ZBTB38: variants seen among roughly 807,000 people sequenced by gnomAD.
ZBTB38 encodes the protein zinc finger and BTB domain containing 38, also known as zinc finger and BTB domain-containing protein 38.
In ZBTB38, 20 loss-of-function variants were observed where a neutral mutation model predicts 76.8. The observed-to-expected ratio is 0.26, with a 90% CI of 0.18 to 0.38. The LOEUF (loss-of-function observed/expected upper bound fraction) is 0.38, where lower values mean the gene tolerates loss of function less well. Among genes scored for constraint, ZBTB38 ranks in the 10% least tolerant of loss-of-function variants. The pLI, the probability that ZBTB38 is intolerant of heterozygous loss-of-function variation, is 1.00. For missense variants in ZBTB38, 1,082 were observed against 1,482.3 expected, an observed-to-expected ratio of 0.73 and a Z score of 4.43; for synonymous variants, 504 against 544.2, an observed-to-expected ratio of 0.93 and a Z score of 1.03.
At chr3:141,394,565 A>G (rs1194723199) in intron 4 of ZBTB38, 1 of 152,066 alleles carries the variant, frequency 6.6e-6, no homozygotes. Flanking sequence ...TTTAGAAATT[A>G]TTTTCCCCAA....
intron 1 of ZBTB38, among the ~76,000 whole-genome samples, chr3:141,344,964 G>T (rs540514907): frequency 6.6e-6 from 1 of 152,312 alleles, no homozygotes; most frequent in African/African-American, 2.4e-5. Flanking sequence ...ATTGCAAGAA[G>T]TCCTGCTGTT....
At chr3:141,382,146 T>C (rs1946287636) in intron 3 of ZBTB38, among the ~76,000 whole-genome samples, 1 of 152,158 alleles carries the variant, frequency 6.6e-6, no homozygotes, top group South Asian at 2.1e-4. Context: ...TCCTAGCTAC[T>C]CAGGAGGCTG....
intron 3 of ZBTB38, among the ~76,000 whole-genome samples, chr3:141,383,269 T>C (rs1490855923): frequency 6.6e-6 from 1 of 152,196 alleles, no homozygotes. Context: ...ATCACCATGT[T>C]GTTTCCAGGA....
Position 141,443,606 on chromosome 3 carries a change from A to G in ZBTB38, c.1218A>G (p.Gln406=), listed in dbSNP as rs2080684583. ...ACATGCCCATTCCTGGAGGAAACCA[A>G]CGCTTTTTAGAAAACTATCCTACCA... The part of the protein sequence containing the change: ...SSHMPIPGGN[Q]RFLENYPTIG... The change falls in exon 6 of 6, where the codon CAA becomes CAG. Residue 406 remains glutamine, a synonymous_variant. Transcript: ENST00000321464. This position sits in a 1 kb window ranked among gnomAD's most constrained non-coding sequence, Gnocchi z 5.6. 1.7e-5 allele frequency: 28 copies of G among 1,614,176 alleles called. No homozygotes were observed. The East Asian group carries it at 4.9e-4, about 28-fold the overall frequency.
Position 141,413,574 on chromosome 3 carries a change from C to G in ZBTB38, c.-1+9543C>G, listed in dbSNP as rs1412404339. Among the ~76,000 whole-genome samples the G allele has an allele frequency of 6.6e-6, 1 of 152,104 alleles. No homozygotes were observed. The highest frequency in any genetic ancestry group is 6.6e-5 in the Admixed American group (1 of 15,262). On this transcript the variant is annotated intron_variant, in intron 5 of 5. Coordinates refer to ENST00000321464, the MANE Select transcript of ZBTB38 (RefSeq NM_001376113.1). This position sits in a 1 kb window ranked among gnomAD's most constrained non-coding sequence, Gnocchi z 4.1. ...ACAGTGATGGAGCATGATGTCAACT[C>G]CCACATACTGTAACCCAGGAAGGAG...
chr3:141,356,762 A>G (rs1162630427), intron 1 of ZBTB38, among the ~76,000 whole-genome samples: 5 of 152,234 alleles, frequency 3.3e-5, no homozygotes, highest in African/African-American at 1.2e-4. Flanking sequence ...GCTTTTAAAG[A>G]TGATTGTTCC....
chr3:141,347,113 CA>C (rs1171517123), intron 1 of ZBTB38, among the ~76,000 whole-genome samples: 1 of 152,204 alleles, frequency 6.6e-6, no homozygotes, highest in African/African-American at 2.4e-5. Flanking sequence ...TCAAACGCCA[CA>C]CAGTTGATGA....
intron 5 of ZBTB38, among the ~76,000 whole-genome samples, chr3:141,417,448 G>A (rs1291684187): frequency 4.6e-5 from 7 of 152,122 alleles, no homozygotes; most frequent in African/African-American, 1.4e-4. Flanking sequence ...CCTGTTAGTA[G>A]CACATCTAAA....
chr3:141,385,231 A>C (rs2149227045), intron 3 of ZBTB38, among the ~76,000 whole-genome samples: 1 of 152,256 alleles, frequency 6.6e-6, no homozygotes, highest in South Asian at 2.1e-4. Context: ...TGCAATAGGC[A>C]ATTAAAGACT....
At position 141,444,891 on chromosome 3, in the gene ZBTB38, C is replaced by A. The variant is rs2080886190; in HGVS notation, c.2503C>A (p.Pro835Thr). Reference sequence around the variant, plus strand: ...AACCTCCACAAATAGTAATGTTGCACCCCTTTGCCAAATAACAGTGAAAAT... The same window carrying A: ...AACCTCCACAAATAGTAATGTTGCAACCCTTTGCCAAATAACAGTGAAAAT... ...PGTSTNSNVAPLCQITVKIGN... is the reference protein window; with the variant it reads ...PGTSTNSNVATLCQITVKIGN... The change falls in exon 6 of 6, where the codon CCC (proline) becomes ACC (threonine). Residue 835 changes from proline to threonine, a missense_variant. This residue lies in a region of ZBTB38 where 471 missense variants were observed against 581.0 expected (regional missense o/e 0.81). Transcript: ENST00000321464. This position sits in a 1 kb window ranked among gnomAD's most constrained non-coding sequence, Gnocchi z 5.1. The A allele has an allele frequency of 1.2e-6, 2 of 1,614,054 alleles. No homozygotes were observed. The highest frequency in any genetic ancestry group is 2.2e-5 in the East Asian group (1 of 44,888).
chr3:141,381,058 G>C (rs906450396), intron 2 of ZBTB38, among the ~76,000 whole-genome samples: 1 of 152,060 alleles, frequency 6.6e-6, no homozygotes, highest in African/African-American at 2.4e-5. Context: ...AATGTGTTTT[G>C]CCAATTCAGA....
At chr3:141,399,493 A>T (rs1951216877) in intron 4 of ZBTB38, among the ~76,000 whole-genome samples, 1 of 152,246 alleles carries the variant, frequency 6.6e-6, no homozygotes, top group Non-Finnish European at 1.5e-5. Context: ...GAGATGAGAA[A>T]AAATGATTTG....
chr3:141,402,960 G>A (rs921162965), intron 4 of ZBTB38: 5 of 152,312 alleles, frequency 3.3e-5, no homozygotes, highest in African/African-American at 1.2e-4. Flanking sequence ...AAAGGGACGT[G>A]CAAAGGCAGG....
At chr3:141,435,845 C>T (rs920220064) in intron 5 of ZBTB38, among the ~76,000 whole-genome samples, 2 of 151,918 alleles carry the variant, frequency 1.3e-5, no homozygotes, top group African/African-American at 4.8e-5. Context: ...CATTAAAGTC[C>T]GATGGCCAGT....
chr3:141,431,472 G>A (rs1260792489), intron 5 of ZBTB38, among the ~76,000 whole-genome samples: 1 of 151,404 alleles, frequency 6.6e-6, no homozygotes, highest in Non-Finnish European at 1.5e-5. Flanking sequence ...TAAGCAAGCA[G>A]GTGCCCAGGC....
intron 5 of ZBTB38, among the ~76,000 whole-genome samples, chr3:141,409,232 G>C (rs1955782127): frequency 6.6e-6 from 1 of 152,114 alleles, no homozygotes. Flanking sequence ...TTTTAGTAGA[G>C]ATGGGGTTTC....
upstream of ZBTB38, among the ~76,000 whole-genome samples, chr3:141,364,739 T>TAG (rs1422810922): frequency 1.1e-5 from 1 of 94,176 alleles, no homozygotes. Context: ...AGGATTTGAA[T>TAG]AGACAGTTCT....
At position 141,445,313 on chromosome 3, in the gene ZBTB38, A is replaced by C. The variant is rs1438254324; in HGVS notation, c.2925A>C (p.Glu975Asp). 1 of 1,614,184 alleles carries C rather than the reference A, an allele frequency of 6.2e-7. No individual in the cohort carries two copies. Among genetic ancestry groups the C allele is most frequent in the Admixed American group, 1.7e-5 (1 of 60,022 alleles). The change falls in exon 6 of 6, where the codon GAA (glutamate) becomes GAC (aspartate). Residue 975 changes from glutamate (E) to aspartate (D), a missense_variant. Physicochemically the swap from Glu to Asp is conservative, Grantham distance 45. Coordinates refer to ENST00000321464, the MANE Select transcript of ZBTB38 (RefSeq NM_001376113.1). The surrounding 1 kb of genome is among the most constrained non-coding windows in gnomAD (Gnocchi z 6.5). ...APQDKPFEEE[E>D]TKEMPKLQCE... ...AGGATAAACCCTTTGAGGAAGAAGAAACTAAAGAGATGCCCAAGCTGCAGT... is the reference window on the plus strand; with the variant it reads ...AGGATAAACCCTTTGAGGAAGAAGACACTAAAGAGATGCCCAAGCTGCAGT...
At chr3:141,432,302 T>C in intron 5 of ZBTB38, 1 of 982,906 alleles carries the variant, frequency 1.0e-6, no homozygotes, top group Non-Finnish European at 1.2e-6. Flanking sequence ...TACGTTTCTT[T>C]TTATAGAAGA....
Sources: allele counts gnomAD v4.1 joint callset (sites outside exome capture counted in the v4.1 genomes callset), GRCh38; gene constraint gnomAD v4.1.1; regional missense constraint gnomAD v4.1.1; non-coding constraint Gnocchi (gnomAD v3.1); transcripts MANE v1.5; gene names NCBI Gene and HGNC (gene_info 2026-07-23, HGNC 2026-07-21).